The following NTM variants were observed in gnomAD, a reference collection of about 807,000 sequenced individuals.
NTM encodes IgLON family member 2.
In NTM, 13 loss-of-function variants were observed where a neutral mutation model predicts 42.1. The observed-to-expected ratio is 0.31, with a 90% CI of 0.20 to 0.49. The LOEUF (loss-of-function observed/expected upper bound fraction) is 0.49, where lower values mean the gene tolerates loss of function less well. NTM is among the 20% of genes least tolerant of loss of function. The pLI is 0.99. For synonymous variants in NTM, 187 were observed against 179.2 expected (o/e 1.04, Z -0.35); for missense variants, 373 against 452.8 (o/e 0.82, Z 1.60).
chr11:132,153,118 G>C (rs555331827), intron 3 of NTM, among the ~76,000 whole-genome samples: 2 of 152,194 alleles, frequency 1.3e-5, no homozygotes, highest in African/African-American at 4.8e-5. Flanking sequence ...AGCAGCCACT[G>C]AGTTCTTACC....
At chr11:131,882,602 T>C (rs1221080562) in intron 1 of NTM, among the ~76,000 whole-genome samples, 1 of 152,210 alleles carries the variant, frequency 6.6e-6, no homozygotes, top group African/African-American at 2.4e-5. Flanking sequence ...AATACTGCTC[T>C]CTTTACATTC....
intron 1 of NTM, among the ~76,000 whole-genome samples, chr11:131,709,089 A>G (rs1464200900): frequency 6.6e-6 from 1 of 152,130 alleles, no homozygotes; most frequent in African/African-American, 2.4e-5. Flanking sequence ...AGATATGAGC[A>G]TTGCTGGTGT....
At chr11:131,472,840 T>G (rs528542290) in intron 1 of NTM, among the ~76,000 whole-genome samples, 1 of 152,254 alleles carries the variant, frequency 6.6e-6, no homozygotes, top group South Asian at 2.1e-4. Context: ...CTCATGCCTG[T>G]CTGACTCCGA....
chr11:132,189,823 T>G (rs535683240), intron 3 of NTM, among the ~76,000 whole-genome samples: 11 of 152,358 alleles, frequency 7.2e-5, no homozygotes, highest in African/African-American at 2.4e-4. Flanking sequence ...ATTCGGTTTA[T>G]GCATACAAAT....
At chr11:131,781,525 T>C (rs2088130346) in intron 1 of NTM, among the ~76,000 whole-genome samples, 1 of 152,210 alleles carries the variant, frequency 6.6e-6, no homozygotes, top group Admixed American at 6.5e-5. Context: ...TATTGTTAAA[T>C]GTGTGCCACC....
chr11:132,181,363 C>T (rs2077553174), intron 3 of NTM, among the ~76,000 whole-genome samples: 1 of 152,206 alleles, frequency 6.6e-6, no homozygotes, highest in South Asian at 2.1e-4. Context: ...AGGCAGTCAT[C>T]CTGCTGTGTT....
chr11:131,965,697 C>A (rs2062749896), intron 2 of NTM, among the ~76,000 whole-genome samples: 1 of 152,102 alleles, frequency 6.6e-6, no homozygotes, highest in Non-Finnish European at 1.5e-5. Context: ...TCTTTCAACT[C>A]TTGTCACTGT....
intron 1 of NTM, among the ~76,000 whole-genome samples, chr11:131,598,751 C>T (rs375440782): frequency 0.026 from 1,798 of 68,494 alleles, 76 homozygotes; most frequent in Middle Eastern, 0.042. Context: ...TTCTTTCTTT[C>T]TTTCTTCTTT....
rs558674804 is a variant in NTM, at chr11:131,599,381, G to A, written c.82+228493G>A. Among the ~76,000 whole-genome samples, 10 of 128,798 alleles carry A rather than the reference G, an allele frequency of 7.8e-5. 2 individuals carry two copies. The highest frequency in any genetic ancestry group is 4.3e-3 in the Middle Eastern group (1 of 232). The allele number at this position is 128,798 out of a possible 152,430, so 84.5% of individuals were successfully genotyped here. The stretch of plus-strand genomic sequence containing the variant: ...CAGATGCCCTGTCTACCCAGTCTCC[G>A]GCAGAGCTAGTCACATGGCCCTGTA... On this transcript the variant is annotated intron_variant, in intron 1 of 8. Transcript: ENST00000683400.
At chr11:132,019,013 A>C (rs2073896295) in intron 2 of NTM, among the ~76,000 whole-genome samples, 1 of 151,930 alleles carries the variant, frequency 6.6e-6, no homozygotes, top group African/African-American at 2.4e-5. Context: ...TGTTAATAGT[A>C]TGGTCTTCTA....
intron 4 of NTM, among the ~76,000 whole-genome samples, chr11:132,240,334 A>T (rs1458266309): frequency 6.6e-6 from 1 of 152,198 alleles, no homozygotes; most frequent in Non-Finnish European, 1.5e-5. Flanking sequence ...CTTTTTATTG[A>T]ACCATAGATA....
chr11:131,776,794 T>C (rs2087070486), intron 1 of NTM, among the ~76,000 whole-genome samples: 1 of 152,228 alleles, frequency 6.6e-6, no homozygotes, highest in Non-Finnish European at 1.5e-5. Context: ...AGGTTCCTTC[T>C]GTCCTGTGAC....
intron 1 of NTM, among the ~76,000 whole-genome samples, chr11:131,659,034 A>G (rs1418693778): frequency 6.6e-6 from 1 of 152,222 alleles, no homozygotes; most frequent in Non-Finnish European, 1.5e-5. Flanking sequence ...CAATAGAGGA[A>G]GACATGTAGG....
At chr11:131,983,394 G>A (rs893811394) in intron 2 of NTM, among the ~76,000 whole-genome samples, 19 of 35,216 alleles carry the variant, frequency 5.4e-4, no homozygotes, top group African/African-American at 2.5e-3. Context: ...TTTTTTTTTT[G>A]AGATGGAGTC....
At chr11:131,387,279 G>A (rs1227359637) in intron 1 of NTM, among the ~76,000 whole-genome samples, 1 of 151,978 alleles carries the variant, frequency 6.6e-6, no homozygotes, top group African/African-American at 2.4e-5. Context: ...AAAGTCATCT[G>A]CTTCCCTTTC....
At chr11:132,141,474 T>C (rs1326715572) in intron 2 of NTM, among the ~76,000 whole-genome samples, 1 of 152,128 alleles carries the variant, frequency 6.6e-6, no homozygotes, top group Non-Finnish European at 1.5e-5. Flanking sequence ...ACACAGAGGG[T>C]TGCATTTTTA....
At chr11:131,467,293 C>T (rs1347170335) in intron 1 of NTM, among the ~76,000 whole-genome samples, 1 of 152,146 alleles carries the variant, frequency 6.6e-6, no homozygotes, top group African/African-American at 2.4e-5. Context: ...GACAATCATG[C>T]CCTTGCCTGT....
At chr11:131,624,414 G>T (rs73030284) in intron 1 of NTM, among the ~76,000 whole-genome samples, 2,256 of 152,254 alleles carry the variant, frequency 0.015, 23 homozygotes, top group Admixed American at 0.024. Context: ...GCACAGAGCA[G>T]TCCTAAATAT....
chr11:132,099,790 G>T (rs377205744), intron 2 of NTM, among the ~76,000 whole-genome samples: 1 of 152,206 alleles, frequency 6.6e-6, no homozygotes, highest in Admixed American at 6.5e-5. Flanking sequence ...GAGAAGGTCA[G>T]GTGCTTTCTC....
Sources: allele counts gnomAD v4.1 joint callset (sites outside exome capture counted in the v4.1 genomes callset), GRCh38; gene constraint gnomAD v4.1.1; transcripts MANE v1.5; gene names NCBI Gene and HGNC (gene_info 2026-07-23, HGNC 2026-07-21).